Variants in ERO1A observed in about 807,000 individuals in gnomAD.
The protein encoded by ERO1A is endoplasmic reticulum oxidoreductase 1 alpha.
A neutral mutation model predicts 76.9 loss-of-function variants in ERO1A; 49 were observed. The ratio of observed to expected loss-of-function variants is 0.64; its 90% CI spans 0.51 to 0.81. ERO1A has a LOEUF of 0.81. Ranked by LOEUF, ERO1A falls within the 30% of genes least tolerant of loss-of-function variation. The probability of loss-of-function intolerance (pLI) is 0.00; values close to 1 mark genes in which losing one functional copy is unlikely to be tolerated. For missense variants in ERO1A, 448 were observed against 542.1 expected, an observed-to-expected ratio of 0.83 and a Z score of 1.72; for synonymous variants, 174 against 181.2, an observed-to-expected ratio of 0.96 and a Z score of 0.32.
intron 8 of ERO1A, among the ~76,000 whole-genome samples, chr14:52,663,599 C>CAA (rs771884796): frequency 1.8e-5 from 2 of 108,434 alleles, no homozygotes; most frequent in African/African-American, 3.4e-5. Flanking sequence ...GACTCCATCT[C>CAA]AAAAAAAAAA....
At chr14:52,657,476 G>A (rs1316732815) in intron 11 of ERO1A, among the ~76,000 whole-genome samples, 1 of 152,078 alleles carries the variant, frequency 6.6e-6, no homozygotes, top group African/African-American at 2.4e-5. Context: ...GAAGAAATAT[G>A]GTACTGATGA....
At chr14:52,668,086 T>C (rs1035795498) in intron 6 of ERO1A, among the ~76,000 whole-genome samples, 9 of 151,950 alleles carry the variant, frequency 5.9e-5, no homozygotes, top group African/African-American at 2.2e-4. Flanking sequence ...AATGCAGAAG[T>C]GGCAATTAAA....
chr14:52,688,247 G>T (rs2139783621), intron 1 of ERO1A, among the ~76,000 whole-genome samples: 1 of 152,152 alleles, frequency 6.6e-6, no homozygotes, highest in South Asian at 2.1e-4. Context: ...GCCTTGGAAG[G>T]CTTTCTATTA....
Position 52,653,282 on chromosome 14 carries a change from A to C in ERO1A, c.842T>G (p.Ile281Ser), listed in dbSNP as rs1277907032. 6.2e-7 allele frequency: 1 copy of C among 1,611,810 alleles called. No homozygotes were observed. Among genetic ancestry groups the C allele is most frequent in the Non-Finnish European group, 8.5e-7 (1 of 1,178,712 alleles). Residue 281 changes from isoleucine to serine, a missense_variant, in exon 12 of 16, where the codon ATT (isoleucine) becomes AGT (serine). Ile to Ser is a moderately radical substitution (Grantham distance 142, BLOSUM62 -2). This residue lies in a region of ERO1A where 302 missense variants were observed against 411.9 expected (regional missense o/e 0.73). Coordinates refer to ENST00000395686, the MANE Select transcript of ERO1A (RefSeq NM_014584.3). ...ATCAAATCGCTGTTGAAATTCTGTA[A>C]TGTTGTGTCCCCATTTCTTTTCTAA... ...TWLEKKWGHN[I>S]TEFQQRFDGI...
chr14:52,661,456 G>T, intron 8 of ERO1A, 152 bp from the exon 9 acceptor site: 1 of 468,294 alleles, frequency 2.1e-6, no homozygotes, highest in Non-Finnish European at 3.7e-6. Flanking sequence ...AGACATTCGT[G>T]ACTGCAACTC....
At chr14:52,651,954 C>A (rs890370983) in intron 13 of ERO1A, among the ~76,000 whole-genome samples, 1 of 151,772 alleles carries the variant, frequency 6.6e-6, no homozygotes, top group African/African-American at 2.4e-5. Flanking sequence ...CCACTCCCCA[C>A]CCCCAGCCTG....
chr14:52,645,162 CATG>C (rs2039604017), intron 15 of ERO1A, among the ~76,000 whole-genome samples: 1 of 151,920 alleles, frequency 6.6e-6, no homozygotes, highest in Admixed American at 6.6e-5. Context: ...TGTTAAACAA[CATG>C]ATTTTTCTAC....
chr14:52,651,580 AAAAG>A (rs2039869072), intron 13 of ERO1A, among the ~76,000 whole-genome samples: 1 of 152,008 alleles, frequency 6.6e-6, no homozygotes, highest in South Asian at 2.1e-4. Context: ...TTTTTTGAGG[AAAAG>A]AAAGATTATG....
In ERO1A at chr14:52,666,365, T is replaced by C. The variant is rs773228188; in HGVS notation, c.629+10A>G. 1.3e-6 allele frequency: 2 copies of C among 1,573,774 alleles called. No homozygotes were observed. Among genetic ancestry groups the C allele is most frequent in the Non-Finnish European group, 1.7e-6 (2 of 1,162,690 alleles). On this transcript the variant is annotated intron_variant, in intron 7 of 15. Coordinates refer to ENST00000395686, the MANE Select transcript of ERO1A (RefSeq NM_014584.3). Reference sequence around the variant, plus strand: ...TTATAGGAATTTTTCTAAATGAAAATGACACATACTTAAAACAGTTTTCTT... The same window carrying C: ...TTATAGGAATTTTTCTAAATGAAAACGACACATACTTAAAACAGTTTTCTT...
Position 52,682,336 on chromosome 14 carries a change from G to C in ERO1A, c.307C>G (p.Pro103Ala). The C allele has an allele frequency of 6.2e-7, 1 of 1,608,234 alleles. No individual in the cohort carries two copies. The highest frequency in any genetic ancestry group is 8.5e-7 in the Non-Finnish European group (1 of 1,176,176). ...QCGRRDCAVK[P>A]CQSDEVPDGI... The stretch of plus-strand genomic sequence containing the variant: ...TACATGGTTCTTACAGATTGACATG[G>C]TTTGACAGCACAGTCCCTTCTTCCA... Residue 103 changes from proline (P) to alanine (A), a missense_variant, in exon 3 of 16, where the codon CCA becomes GCA. By Grantham distance (27) the Pro-to-Ala change is conservative (BLOSUM62 -1). This residue lies in a region of ERO1A where 146 missense variants were observed against 130.2 expected (regional missense o/e 1.12). Transcript: ENST00000395686.
intron 3 of ERO1A, 78 bp from the exon 4 acceptor site, chr14:52,678,550 T>C: frequency 3.1e-6 from 4 of 1,270,682 alleles, no homozygotes; most frequent in Non-Finnish European, 4.5e-6. Context: ...CTGTGATTTA[T>C]GAGAAAAATT....
In ERO1A at chr14:52,642,803, G is replaced by GTAT. The variant is rs2039519994; in HGVS notation, c.*764_*766dup. 6.6e-6 allele frequency: 1 copy of GTAT among 152,514 alleles called. No homozygotes were observed. The highest frequency in any genetic ancestry group is 1.5e-5 in the Non-Finnish European group (1 of 68,014). 9.4% of individuals were successfully genotyped at this position (152,514 alleles called of 1,614,324 possible). ...CAAATTTTATTTAGTATTAGTGAAAGTATTATGAGAATAAATATATAATCT... is the reference window on the plus strand; with the variant it reads ...CAAATTTTATTTAGTATTAGTGAAAGTATTATTATGAGAATAAATATATAATCT... On this transcript the variant is annotated 3_prime_UTR_variant, in exon 16 of 16. Transcript: ENST00000395686.
chr14:52,640,508 G>T lies in ERO1A; in HGVS notation c.*3062C>A, dbSNP rs532597253. 2.6e-5 allele frequency: 4 copies of T among 152,238 alleles called. No individual in the cohort carries two copies. The highest frequency in any genetic ancestry group is 2.6e-4 in the Admixed American group (4 of 15,280). The allele number at this position is 152,238 out of a possible 1,614,324, so 9.4% of individuals were successfully genotyped here. On this transcript the variant is annotated 3_prime_UTR_variant, in exon 16 of 16. Transcript: ENST00000395686. ...CCTTGTACACCAAACAGAGGAGTTT[G>T]GCTTTCTCCTGAAAGTTCCTGAAGT...
In ERO1A at chr14:52,658,020, G is replaced by A; in HGVS notation, c.716-11C>T. 1 of 1,583,780 alleles carries A rather than the reference G, an allele frequency of 6.3e-7. No homozygotes were observed. Among genetic ancestry groups the A allele is most frequent in the Non-Finnish European group, 8.6e-7 (1 of 1,157,492 alleles). On this transcript the variant is annotated splice_polypyrimidine_tract_variant and intron_variant, in intron 10 of 15. Coordinates refer to ENST00000395686, the MANE Select transcript of ERO1A (RefSeq NM_014584.3). ...TTTCTACACAGAGACCTAAGAAAAAGCAGTGACTTAGAAATAAAATTTCAT... is the reference window on the plus strand; with the variant it reads ...TTTCTACACAGAGACCTAAGAAAAAACAGTGACTTAGAAATAAAATTTCAT...
chr14:52,657,564 A>G (rs1361885174), intron 11 of ERO1A, among the ~76,000 whole-genome samples: 1 of 152,236 alleles, frequency 6.6e-6, no homozygotes, highest in East Asian at 1.9e-4. Context: ...TTTAAACTCC[A>G]GGCCTGATAC....
intron 11 of ERO1A, among the ~76,000 whole-genome samples, chr14:52,655,273 G>A (rs531120963): frequency 6.6e-6 from 1 of 152,132 alleles, no homozygotes; most frequent in South Asian, 2.1e-4. Flanking sequence ...GCTGAGGCAG[G>A]AGAATTGCTT....
At position 52,685,606 on chromosome 14, in the gene ERO1A, C is replaced by T. The variant is rs538848658; in HGVS notation, c.115-1699G>A. ...CAAAGGGACATATGCAAAGTAGAGA[C>T]ATTAAGTTACAAAAAGAAACACATG... On this transcript the variant is annotated intron_variant, in intron 1 of 15. Transcript: ENST00000395686. Among the ~76,000 whole-genome samples the T allele has an allele frequency of 4.6e-5, 7 of 152,248 alleles. No homozygotes were observed. The East Asian group carries it at 7.7e-4, about 17-fold the overall frequency.
intron 1 of ERO1A, among the ~76,000 whole-genome samples, chr14:52,688,138 A>G (rs2139782945): frequency 6.6e-6 from 1 of 152,226 alleles, no homozygotes; most frequent in South Asian, 2.1e-4. Context: ...GTGAGCCATA[A>G]TCATGCCAAT....
intron 1 of ERO1A, among the ~76,000 whole-genome samples, chr14:52,690,216 T>A (rs530628160): frequency 6.6e-6 from 1 of 152,096 alleles, no homozygotes; most frequent in Admixed American, 6.5e-5. Flanking sequence ...GTCTTGGCAA[T>A]GATTTTTTAT....
Sources: gnomAD v4.1 joint callset for allele counts (sites outside exome capture counted in the v4.1 genomes callset) on GRCh38, gnomAD v4.1.1 for gene constraint, gnomAD v4.1.1 regional missense constraint, MANE v1.5 for transcripts, NCBI Gene and HGNC (gene_info 2026-07-23, HGNC 2026-07-21) for gene names.